The following SLC7A7 variants were observed in gnomAD, a reference collection of about 807,000 sequenced individuals.
SLC7A7 encodes the protein Y+L amino acid transporter 1.
In SLC7A7, 39 loss-of-function variants were observed where a neutral mutation model predicts 47.9. The observed-to-expected ratio is 0.81, with a 90% CI of 0.63 to 1.06. The LOEUF is 1.06. Among genes scored for constraint, SLC7A7 ranks in the 50% least tolerant of loss-of-function variants. The probability of loss-of-function intolerance (pLI) is 0.00; values close to 1 mark genes in which losing one functional copy is unlikely to be tolerated. For synonymous variants in SLC7A7, 234 were observed against 242.8 expected (o/e 0.96, Z 0.34); for missense variants, 588 against 632.0 (o/e 0.93, Z 0.75).
In SLC7A7 at chr14:22,773,464, C is replaced by T. The variant is rs573116829; in HGVS notation, c.*146G>A. 1.4e-6 allele frequency: 1 copy of T among 734,652 alleles called. No individual in the cohort carries two copies. The highest frequency in any genetic ancestry group is 1.5e-5 in the South Asian group (1 of 67,362). 45.5% of individuals were successfully genotyped at this position (734,652 alleles called of 1,614,324 possible). ...AAAACAAATAAATTACTTTTCATTT[C>T]AAAAAGTAAGTTCAAAGGTTGAAGC... On this transcript the variant is annotated 3_prime_UTR_variant, in exon 10 of 10. Transcript: ENST00000674313.
upstream of SLC7A7, among the ~76,000 whole-genome samples, chr14:22,817,526 A>G (rs1305573193): frequency 6.6e-6 from 1 of 152,108 alleles, no homozygotes; most frequent in Non-Finnish European, 1.5e-5. Flanking sequence ...TTTTTAGTAG[A>G]GTCGGGGTTT....
rs761380240 is a variant in SLC7A7, at chr14:22,780,041, G to A, written c.510C>T (p.Thr170=). 3 of 1,613,972 alleles carry A rather than the reference G, an allele frequency of 1.9e-6. No homozygotes were observed. The East Asian group carries it at 6.7e-5, about 36-fold the overall frequency. The change falls in exon 3 of 10, where the codon ACC becomes ACT. Residue 170 remains threonine, a synonymous_variant. Transcript: ENST00000674313. ...ATTTGACATAGGCACAGTTAATGAA[G>A]GTTAAGAGACCTGAAAGAAAAATAA... ...LLAAACICLL[T]FINCAYVKWG... is the part of the protein sequence containing the mutation.
At chr14:22,781,052 A>AT (rs760255406) in intron 2 of SLC7A7, among the ~76,000 whole-genome samples, 5 of 152,184 alleles carry the variant, frequency 3.3e-5, no homozygotes, top group Non-Finnish European at 5.9e-5. Flanking sequence ...CACTGGTAGC[A>AT]TAGCGAATCG....
At chr14:22,813,489 T>C (rs778182915) in intron 1 of SLC7A7, 49 bp from the exon 2 acceptor site, 13 of 1,522,244 alleles carry the variant, frequency 8.5e-6, no homozygotes, top group Admixed American at 7.2e-5. Flanking sequence ...GGCAATTACA[T>C]AGAACCTCTA....
chr14:22,784,428 G>T (rs957668981), intron 2 of SLC7A7, among the ~76,000 whole-genome samples: 10 of 152,214 alleles, frequency 6.6e-5, no homozygotes, highest in Non-Finnish European at 1.5e-4. Context: ...GACCATCCTG[G>T]CCAACATGGT....
At chr14:22,774,611 C>T in intron 7 of SLC7A7, 108 bp from the exon 8 acceptor site, 1 of 1,437,618 alleles carries the variant, frequency 7.0e-7, no homozygotes, top group Non-Finnish European at 9.7e-7. Context: ...CTCAAAGTCT[C>T]CTGGTCCTCT....
At chr14:22,804,098 G>A (rs570883739) in intron 2 of SLC7A7, among the ~76,000 whole-genome samples, 11 of 152,226 alleles carry the variant, frequency 7.2e-5, no homozygotes, top group Admixed American at 6.5e-4. Context: ...TTACTCATGT[G>A]GGAAAGGATT....
At chr14:22,780,922 G>T (rs781042057) in intron 2 of SLC7A7, among the ~76,000 whole-genome samples, 2 of 152,128 alleles carry the variant, frequency 1.3e-5, no homozygotes, top group East Asian at 3.9e-4. Flanking sequence ...TACAATCTAC[G>T]ACTTGAATTT....
intron 2 of SLC7A7, among the ~76,000 whole-genome samples, chr14:22,794,219 G>A (rs1401264268): frequency 2.0e-5 from 3 of 152,206 alleles, no homozygotes; most frequent in Non-Finnish European, 4.4e-5. Context: ...CTGTCTTGAA[G>A]AATTGGCTCT....
intron 2 of SLC7A7, among the ~76,000 whole-genome samples, chr14:22,809,430 T>A (rs1594980821): frequency 6.6e-6 from 1 of 150,744 alleles, no homozygotes; most frequent in African/African-American, 2.4e-5. Flanking sequence ...AACCTCTGCC[T>A]CCCGGGTTCA....
rs1400072051 is a variant in SLC7A7, at chr14:22,773,705, T to C, written c.1441A>G (p.Arg481Gly). The part of the protein sequence containing the change: ...YLRRIVGSAT[R>G]YLQVLCMSVA... ...GACATACACAGGACCTGGAGGTACC[T>C]TGTGGCAGACCCTACAAAGAGAACT... The change falls in exon 10 of 10, where the codon AGG becomes GGG. Residue 481 changes from arginine (R) to glycine (G), a missense_variant. Physicochemically the swap from Arg to Gly is moderately radical, Grantham distance 125. Transcript: ENST00000674313. 6.2e-7 allele frequency: 1 copy of C among 1,614,014 alleles called. No homozygotes were observed. The highest frequency in any genetic ancestry group is 8.5e-7 in the Non-Finnish European group (1 of 1,180,016).
chr14:22,789,586 C>T (rs1338134348), intron 2 of SLC7A7, among the ~76,000 whole-genome samples: 1 of 150,266 alleles, frequency 6.7e-6, no homozygotes, highest in Non-Finnish European at 1.5e-5. Context: ...CAAGATCACA[C>T]CACTGCACTT....
intron 2 of SLC7A7, among the ~76,000 whole-genome samples, chr14:22,806,751 C>T (rs1193493592): frequency 6.6e-6 from 1 of 152,040 alleles, no homozygotes; most frequent in African/African-American, 2.4e-5. Flanking sequence ...AGATTTTATC[C>T]TAAAGCATAT....
intron 3 of SLC7A7, among the ~76,000 whole-genome samples, chr14:22,779,466 TG>T (rs35748274): frequency 0.29 from 36,978 of 127,074 alleles, 4,898 homozygotes; most frequent in African/African-American, 0.35. Flanking sequence ...TTTTTTTTTT[TG>T]GGGGGGGGAC....
intron 2 of SLC7A7, among the ~76,000 whole-genome samples, chr14:22,784,315 G>C (rs1330037649): frequency 6.6e-6 from 1 of 152,138 alleles, no homozygotes; most frequent in Non-Finnish European, 1.5e-5. Flanking sequence ...GAGAAAAAAA[G>C]AATCTGCAAA....
intron 2 of SLC7A7, among the ~76,000 whole-genome samples, chr14:22,795,270 A>T (rs1328782257): frequency 7.0e-6 from 1 of 142,060 alleles, no homozygotes; most frequent in African/African-American, 2.6e-5. Flanking sequence ...TTTTTTGTAG[A>T]GACCAAGTTC....
chr14:22,780,362 C>T (rs1322620911), intron 2 of SLC7A7: 3 of 357,606 alleles, frequency 8.4e-6, no homozygotes, highest in Non-Finnish European at 1.6e-5. Flanking sequence ...GGGAACTGTA[C>T]AGGATTAGTG....
chr14:22,780,185 T>A, intron 2 of SLC7A7, 134 bp from the exon 3 acceptor site: 2 of 1,293,788 alleles, frequency 1.5e-6, no homozygotes, highest in Non-Finnish European at 1.1e-6. Flanking sequence ...TGACCTGCTC[T>A]GCACTGGAAC....
rs186722925 is a variant in SLC7A7 at position 22,793,109 on chromosome 14, G to C, written c.500-13058C>G. 6.7e-3 allele frequency among the ~76,000 whole-genome samples: 1,009 copies of C among 151,532 alleles called. 11 individuals are homozygous for C. Among genetic ancestry groups the C allele is most frequent in the African/African-American group, 0.023 (959 of 41,388 alleles). On this transcript the variant is annotated intron_variant, in intron 2 of 9. Coordinates refer to ENST00000674313, the MANE Select transcript of SLC7A7 (RefSeq NM_003982.4). ...TTTTTTGTATTCTTTAGTAGAGACA[G>C]GGTTTCACCGTGTTAGCCAGGATGG...
Sources: gnomAD v4.1 joint callset for allele counts (sites outside exome capture counted in the v4.1 genomes callset) on GRCh38, gnomAD v4.1.1 for gene constraint, MANE v1.5 for transcripts, NCBI Gene and HGNC (gene_info 2026-07-23, HGNC 2026-07-21) for gene names.